KCNJ6: variants seen among roughly 807,000 people sequenced by gnomAD.
The protein encoded by KCNJ6 is potassium inwardly rectifying channel subfamily J member 6.
In KCNJ6, 9 loss-of-function variants were observed where a neutral mutation model predicts 34.2. That is an observed-to-expected ratio of 0.26 (90% CI 0.16 to 0.46). The LOEUF (loss-of-function observed/expected upper bound fraction) is 0.46, where lower values mean the gene tolerates loss of function less well. Ranked by LOEUF, KCNJ6 falls within the 20% of genes least tolerant of loss-of-function variation. The probability of loss-of-function intolerance (pLI) is 1.00; values close to 1 mark genes in which losing one functional copy is unlikely to be tolerated. For synonymous variants in KCNJ6, 196 were observed against 207.1 expected (o/e 0.95, Z 0.46); for missense variants, 236 against 531.3 (o/e 0.44, Z 5.46).
rs374794723 is a variant in KCNJ6 at position 37,814,178 on chromosome 21, A to T, written c.25+26480T>A. ...AGATGCTCAACATCATTGATCATCA[A>T]ATAAATGCATATCACAACTATAATG... On this transcript the variant is annotated intron_variant, in intron 2 of 3. Coordinates refer to ENST00000609713, the MANE Select transcript of KCNJ6 (RefSeq NM_002240.5). 2.0e-3 allele frequency among the ~76,000 whole-genome samples: 312 copies of T among 152,358 alleles called. 2 individuals carry two copies. The highest frequency in any genetic ancestry group is 7.0e-3 in the African/African-American group (293 of 41,580).
At chr21:37,650,127 A>C (rs1436954899) in intron 3 of KCNJ6, among the ~76,000 whole-genome samples, 3 of 152,168 alleles carry the variant, frequency 2.0e-5, no homozygotes, top group Non-Finnish European at 4.4e-5. Context: ...GGGCACAATG[A>C]ATGTGGCTTT....
At chr21:37,642,805 A>C (rs1291155332) in intron 3 of KCNJ6, among the ~76,000 whole-genome samples, 5 of 152,148 alleles carry the variant, frequency 3.3e-5, no homozygotes, top group African/African-American at 1.2e-4. Flanking sequence ...GTTTGGCTTA[A>C]AAATTTAAAA....
At chr21:37,668,403 G>C (rs1187692903) in intron 3 of KCNJ6, among the ~76,000 whole-genome samples, 1 of 152,074 alleles carries the variant, frequency 6.6e-6, no homozygotes, top group Non-Finnish European at 1.5e-5. Context: ...TCCTCCCTGG[G>C]TCCTCACAGG....
intron 3 of KCNJ6, among the ~76,000 whole-genome samples, chr21:37,706,618 G>A (rs1261553720): frequency 1.3e-5 from 2 of 152,160 alleles, no homozygotes; most frequent in Non-Finnish European, 2.9e-5. Flanking sequence ...CAGCCTTTGG[G>A]GTTGTCTGTT....
chr21:37,881,711 C>T (rs1438411546), intron 1 of KCNJ6, among the ~76,000 whole-genome samples: 1 of 152,146 alleles, frequency 6.6e-6, no homozygotes, highest in African/African-American at 2.4e-5. Context: ...TATCCTATTG[C>T]CCTCATGATG....
At chr21:37,813,412 T>C (rs529152089) in intron 2 of KCNJ6, among the ~76,000 whole-genome samples, 2 of 152,192 alleles carry the variant, frequency 1.3e-5, no homozygotes, top group South Asian at 4.1e-4. Context: ...AATTCTAAAA[T>C]GTATGTGGAA....
At chr21:37,719,989 A>C (rs1207171873) in intron 2 of KCNJ6, among the ~76,000 whole-genome samples, 1 of 152,164 alleles carries the variant, frequency 6.6e-6, no homozygotes, top group Non-Finnish European at 1.5e-5. Context: ...AGACTTTTTA[A>C]TGTCGTGGGG....
chr21:37,788,238 T>C (rs1031870091), intron 2 of KCNJ6, among the ~76,000 whole-genome samples: 1 of 152,192 alleles, frequency 6.6e-6, no homozygotes, highest in African/African-American at 2.4e-5. Flanking sequence ...TGATGAAAGG[T>C]GAATCTATGA....
intron 1 of KCNJ6, among the ~76,000 whole-genome samples, chr21:37,881,533 T>C (rs117950975): frequency 0.035 from 5,282 of 152,104 alleles, 162 homozygotes; most frequent in Admixed American, 0.095. Context: ...TTGTTGTTAT[T>C]GTTGTTTTGA....
intron 2 of KCNJ6, among the ~76,000 whole-genome samples, chr21:37,776,162 G>T (rs1398894756): frequency 2.0e-5 from 3 of 152,132 alleles, no homozygotes; most frequent in Non-Finnish European, 2.9e-5. Flanking sequence ...TGTTATTGGT[G>T]TATAAGAATG....
chr21:37,702,264 G>A (rs1052501794), intron 3 of KCNJ6, among the ~76,000 whole-genome samples: 5 of 142,652 alleles, frequency 3.5e-5, no homozygotes, highest in Non-Finnish European at 6.1e-5. Flanking sequence ...AGCTCTGACT[G>A]TTCTGTGCCA....
At chr21:37,882,269 C>G (rs2055712880) in intron 1 of KCNJ6, among the ~76,000 whole-genome samples, 1 of 152,160 alleles carries the variant, frequency 6.6e-6, no homozygotes, top group East Asian at 1.9e-4. Context: ...GATGAGCGTG[C>G]TGGGTATACA....
chr21:37,705,432 A>G (rs1216604240), intron 3 of KCNJ6, among the ~76,000 whole-genome samples: 1 of 152,232 alleles, frequency 6.6e-6, no homozygotes, highest in Non-Finnish European at 1.5e-5. Context: ...AAAATAATCC[A>G]TGCAAAACAT....
rs758430250 is a variant in KCNJ6, at chr21:37,611,193, TAATG to T, written c.*13962_*13965del. On this transcript the variant is annotated 3_prime_UTR_variant, in exon 4 of 4. Transcript: ENST00000609713. ...TGGAGGTTAAAAGGATAATAAAAGA[TAATG>T]AAGGAATTTTATGAATGACTTTATA... 4 of 152,160 alleles carry T rather than the reference TAATG, an allele frequency of 2.6e-5. No individual in the cohort carries two copies. Among genetic ancestry groups the T allele is most frequent in the African/African-American group, 7.2e-5 (3 of 41,444 alleles). The allele number at this position is 152,160 out of a possible 1,614,324, so 9.4% of individuals were successfully genotyped here. A position where few individuals can be genotyped will look rare whatever the true frequency, so the allele number is the denominator to read the frequency against.
In KCNJ6 at chr21:37,618,222, G is replaced by A. The variant is rs977034761; in HGVS notation, c.*6937C>T. 7 of 152,344 alleles carry A rather than the reference G, an allele frequency of 4.6e-5. No homozygotes were observed. In the East Asian group the frequency reaches 1.3e-3, roughly 29 times the overall value. The allele number at this position is 152,344 out of a possible 1,614,324, so 9.4% of individuals were successfully genotyped here. A position where few individuals can be genotyped will look rare whatever the true frequency, so the allele number is the denominator to read the frequency against. ...AGACCCAGAGGTTTGGGTAATGCAC[G>A]GCTGACCGAAACTCTGATCTCTGCA... On this transcript the variant is annotated 3_prime_UTR_variant, in exon 4 of 4. Transcript: ENST00000609713.
chr21:37,781,937 C>T (rs2055171323), intron 2 of KCNJ6, among the ~76,000 whole-genome samples: 1 of 152,124 alleles, frequency 6.6e-6, no homozygotes, highest in African/African-American at 2.4e-5. Flanking sequence ...GTCCACATCC[C>T]AATCCTCAGA....
intron 2 of KCNJ6, among the ~76,000 whole-genome samples, chr21:37,728,336 T>A (rs2054866170): frequency 6.6e-6 from 1 of 152,194 alleles, no homozygotes; most frequent in Admixed American, 6.5e-5. Context: ...ATGGGGACAG[T>A]TTCTGTTTGG....
intron 2 of KCNJ6, among the ~76,000 whole-genome samples, chr21:37,771,588 T>C (rs973790163): frequency 6.6e-6 from 1 of 152,232 alleles, no homozygotes; most frequent in African/African-American, 2.4e-5. Flanking sequence ...AGGTATCTGC[T>C]CATTAGTCTA....
At chr21:37,871,598 G>T (rs1412013645) in intron 1 of KCNJ6, among the ~76,000 whole-genome samples, 2 of 152,182 alleles carry the variant, frequency 1.3e-5, no homozygotes, top group African/African-American at 4.8e-5. Context: ...GTACTCTGGG[G>T]TATTCTTCCT....
Sources: allele counts gnomAD v4.1 joint callset (sites outside exome capture counted in the v4.1 genomes callset), GRCh38; gene constraint gnomAD v4.1.1; transcripts MANE v1.5; gene names NCBI Gene and HGNC (gene_info 2026-07-23, HGNC 2026-07-21).